Variants in IQUB observed in about 807,000 individuals in gnomAD.
IQUB encodes IQ motif and ubiquitin domain containing.
In IQUB, 86 loss-of-function variants were observed where a neutral mutation model predicts 86.4. That is an observed-to-expected ratio of 1.00 (90% CI 0.84 to 1.19). The LOEUF (loss-of-function observed/expected upper bound fraction) is 1.19, where lower values mean the gene tolerates loss of function less well. IQUB is among the 50% of genes most tolerant of loss of function. The pLI is 0.00. For synonymous variants in IQUB, 289 were observed against 304.5 expected (o/e 0.95, Z 0.53); for missense variants, 946 against 916.9 (o/e 1.03, Z -0.41).
chr7:123,457,342 G>A, intron 12 of IQUB, 39 bp downstream of exon 12: 1 of 1,597,422 alleles, frequency 6.3e-7, no homozygotes, highest in Non-Finnish European at 8.5e-7. Flanking sequence ...TAATTCCAAT[G>A]ATTAAATTAA....
At chr7:123,497,073 ATGCATGTGAC>A (rs2117172240) in intron 6 of IQUB, among the ~76,000 whole-genome samples, 167 bp from the exon 7 acceptor site, 1 of 152,318 alleles carries the variant, frequency 6.6e-6, no homozygotes, top group East Asian at 1.9e-4. Context: ...AACATGTATA[ATGCATGTGAC>A]TGCTATTTGA....
intron 8 of IQUB, among the ~76,000 whole-genome samples, chr7:123,475,007 C>A (rs1794686509): frequency 6.6e-6 from 1 of 152,198 alleles, no homozygotes; most frequent in South Asian, 2.1e-4. Flanking sequence ...ACCCTGTATC[C>A]ATCTGGACAT....
At chr7:123,464,709 C>A in intron 10 of IQUB, 124 bp downstream of exon 10, 6 of 528,132 alleles carry the variant, frequency 1.1e-5, no homozygotes, top group East Asian at 3.3e-5. Context: ...GAGATACTAC[C>A]AATAAGATGG....
chr7:123,520,555 C>A (rs1297553487), intron 1 of IQUB, among the ~76,000 whole-genome samples: 1 of 151,986 alleles, frequency 6.6e-6, no homozygotes, highest in Non-Finnish European at 1.5e-5. Flanking sequence ...GGCATGAGGA[C>A]AAATGGAGAA....
At chr7:123,453,177 C>T (rs929661987) in intron 12 of IQUB, among the ~76,000 whole-genome samples, 2 of 150,500 alleles carry the variant, frequency 1.3e-5, no homozygotes, top group African/African-American at 4.9e-5. Context: ...ATTCTTTCTC[C>T]CATTTGAGCC....
At chr7:123,531,743 A>G (rs572164448) in intron 1 of IQUB, among the ~76,000 whole-genome samples, 10 of 152,236 alleles carry the variant, frequency 6.6e-5, no homozygotes, top group Non-Finnish European at 1.3e-4. Context: ...TTAACCAATG[A>G]CATATTATCA....
chr7:123,527,976 GC>G (rs756849414), intron 1 of IQUB, among the ~76,000 whole-genome samples: 1 of 152,254 alleles, frequency 6.6e-6, no homozygotes. Context: ...GACTCCGTGG[GC>G]GTAGGACCCT....
intron 8 of IQUB, among the ~76,000 whole-genome samples, chr7:123,474,799 C>T (rs1303764379): frequency 2.6e-5 from 4 of 152,138 alleles, no homozygotes; most frequent in African/African-American, 7.2e-5. Flanking sequence ...CCCATTGTAT[C>T]AACTAAAATG....
intron 7 of IQUB, among the ~76,000 whole-genome samples, chr7:123,488,900 G>A (rs1264586097): frequency 6.6e-6 from 1 of 152,120 alleles, no homozygotes; most frequent in African/African-American, 2.4e-5. Context: ...TTTAGCAACT[G>A]GAAAATGAAT....
chr7:123,477,777 C>T (rs1177213222), intron 8 of IQUB, among the ~76,000 whole-genome samples: 1 of 152,140 alleles, frequency 6.6e-6, no homozygotes, highest in East Asian at 1.9e-4. Flanking sequence ...AAAAAGTGGG[C>T]ATAGGATATG....
chr7:123,522,822 T>C (rs964086008), intron 1 of IQUB, among the ~76,000 whole-genome samples: 2 of 151,400 alleles, frequency 1.3e-5, no homozygotes, highest in African/African-American at 4.9e-5. Context: ...CATCTAGCAT[T>C]AGGTATATCT....
At chr7:123,485,632 G>A (rs1303028694) in intron 7 of IQUB, among the ~76,000 whole-genome samples, 3 of 152,100 alleles carry the variant, frequency 2.0e-5, no homozygotes, top group African/African-American at 7.2e-5. Flanking sequence ...AGGAGAATAG[G>A]ACTAGCATCT....
At chr7:123,495,522 G>A (rs1795668064) in intron 7 of IQUB, among the ~76,000 whole-genome samples, 1 of 152,056 alleles carries the variant, frequency 6.6e-6, no homozygotes, top group Admixed American at 6.6e-5. Context: ...AATTTGCTTA[G>A]TGTTATAAAT....
intron 12 of IQUB, chr7:123,457,121 G>A (rs1283652598): frequency 4.6e-5 from 44 of 956,574 alleles, no homozygotes; most frequent in South Asian, 9.6e-5. Flanking sequence ...GGAATTTACC[G>A]TGGAATGTGC....
chr7:123,506,459 T>C lies in IQUB; in HGVS notation c.533-3096A>G, dbSNP rs568137673. Among the ~76,000 whole-genome samples the C allele has an allele frequency of 1.6e-4, 24 of 152,288 alleles. No homozygotes were observed. In the South Asian group the frequency reaches 1.9e-3, roughly 12 times the overall value. ...GAGATTTAATTGGCTCACAATTCCATGGGCTGTACAGGAAGCATGGTTGGG... is the reference window on the plus strand; with the variant it reads ...GAGATTTAATTGGCTCACAATTCCACGGGCTGTACAGGAAGCATGGTTGGG... On this transcript the variant is annotated intron_variant, in intron 3 of 12. Transcript: ENST00000324698.
chr7:123,513,027 A>G (rs1285773237), intron 1 of IQUB, among the ~76,000 whole-genome samples: 2 of 152,158 alleles, frequency 1.3e-5, no homozygotes, highest in Admixed American at 6.5e-5. Context: ...TATAGCAGGG[A>G]GCCCACCTAT....
intron 8 of IQUB, among the ~76,000 whole-genome samples, chr7:123,470,738 C>T (rs1794482403): frequency 6.6e-6 from 1 of 151,864 alleles, no homozygotes; most frequent in Admixed American, 6.6e-5. Flanking sequence ...GTAGTCCCAG[C>T]TACTCGGGAG....
chr7:123,456,922 T>C (rs1793724028), intron 12 of IQUB, among the ~76,000 whole-genome samples: 1 of 152,062 alleles, frequency 6.6e-6, no homozygotes, highest in Admixed American at 6.6e-5. Flanking sequence ...ATTTGAGAGT[T>C]GGGTGTTTTT....
intron 3 of IQUB, 105 bp from the exon 4 acceptor site, chr7:123,503,468 G>A (rs1796042711): frequency 3.0e-6 from 2 of 660,844 alleles, no homozygotes; most frequent in Non-Finnish European, 5.1e-6. Context: ...TATATATTGT[G>A]TACAGCATGC....
Sources: gnomAD v4.1 joint callset for allele counts (sites outside exome capture counted in the v4.1 genomes callset) on GRCh38, gnomAD v4.1.1 for gene constraint, MANE v1.5 for transcripts, NCBI Gene and HGNC (gene_info 2026-07-23, HGNC 2026-07-21) for gene names.